HIPK2: variants seen among roughly 807,000 people sequenced by gnomAD.
HIPK2 encodes homeodomain interacting protein kinase 2.
A neutral mutation model predicts 113.7 loss-of-function variants in HIPK2; 27 were observed. The ratio of observed to expected loss-of-function variants is 0.24; its 90% CI spans 0.17 to 0.33. HIPK2 has a LOEUF of 0.33. Ranked by LOEUF, HIPK2 falls within the 10% of genes least tolerant of loss-of-function variation. The pLI is 1.00. For missense variants in HIPK2, 1,257 were observed against 1,588.0 expected (o/e 0.79, Z 3.54); for synonymous variants, 631 against 642.2 (o/e 0.98, Z 0.26).
At chr7:139,763,603 A>T (rs563156948) in intron 1 of HIPK2, among the ~76,000 whole-genome samples, 1 of 151,796 alleles carries the variant, frequency 6.6e-6, no homozygotes, top group African/African-American at 2.4e-5. Context: ...CACCACGTGG[A>T]CCTTTACAGA....
At position 139,567,030 on chromosome 7, in the gene HIPK2, G is replaced by GGGAA. The variant is rs1343042592; in HGVS notation, c.*5896_*5897insTTCC. On this transcript the variant is annotated 3_prime_UTR_variant, in exon 15 of 15. Transcript: ENST00000406875. ...CAACAAGAGAAACCTCTACTATGCT[G>GGGAA]GGTCCCTCTAGTGAGCCACGGTGCC... is the stretch of plus-strand genomic sequence containing the variant. The GGGAA allele has an allele frequency of 2.6e-5, 4 of 152,196 alleles. No individual in the cohort carries two copies. The highest frequency in any genetic ancestry group is 9.7e-5 in the African/African-American group (4 of 41,438). The allele number at this position is 152,196 out of a possible 1,614,324, so 9.4% of individuals were successfully genotyped here. A position where few individuals can be genotyped will look rare whatever the true frequency, so the allele number is the denominator to read the frequency against.
intron 11 of HIPK2, among the ~76,000 whole-genome samples, chr7:139,598,318 G>A (rs987446393): frequency 1.3e-5 from 2 of 152,156 alleles, no homozygotes; most frequent in African/African-American, 4.8e-5. Flanking sequence ...TTCAATAAAG[G>A]TGGATTTATT....
At chr7:139,664,645 C>T (rs777446912) in intron 2 of HIPK2, among the ~76,000 whole-genome samples, 6 of 152,280 alleles carry the variant, frequency 3.9e-5, no homozygotes, top group Non-Finnish European at 8.8e-5. Context: ...CAGGGGACAA[C>T]GAGGGCCACC....
At chr7:139,695,660 G>C (rs1388868481) in intron 2 of HIPK2, among the ~76,000 whole-genome samples, 1 of 152,106 alleles carries the variant, frequency 6.6e-6, no homozygotes, top group Non-Finnish European at 1.5e-5. Flanking sequence ...TCCAAGAGTA[G>C]AAAGAACACA....
At position 139,613,168 on chromosome 7, in the gene HIPK2, G is replaced by A; in HGVS notation, c.2112+34C>T. 1 of 1,611,164 alleles carries A rather than the reference G, an allele frequency of 6.2e-7. No homozygotes were observed. Among genetic ancestry groups the A allele is most frequent in the Non-Finnish European group, 8.5e-7 (1 of 1,178,250 alleles). On this transcript the variant is annotated intron_variant, in intron 9 of 14. Coordinates refer to ENST00000406875, the MANE Select transcript of HIPK2 (RefSeq NM_022740.5). The surrounding 1 kb of genome is among the most constrained non-coding windows in gnomAD (Gnocchi z 4.2). ...GTGAACAACATTAACACAGGTAATG[G>A]TAATACCAGTAATAATAAAGGAGAA... is the stretch of plus-strand genomic sequence containing the variant.
At chr7:139,720,202 C>A (rs1328018472) in intron 1 of HIPK2, among the ~76,000 whole-genome samples, 1 of 152,228 alleles carries the variant, frequency 6.6e-6, no homozygotes, top group African/African-American at 2.4e-5. Context: ...CAAAGACCAG[C>A]CAGCTTAGAT....
rs1264862644 is a variant in HIPK2 at position 139,563,539 on chromosome 7, C to CTT, written c.*9386_*9387dup. 2 of 283,734 alleles carry CTT rather than the reference C, an allele frequency of 7.0e-6. No individual in the cohort carries two copies. Among genetic ancestry groups the CTT allele is most frequent in the African/African-American group, 4.3e-5 (2 of 46,186 alleles). 17.6% of individuals were successfully genotyped at this position (283,734 alleles called of 1,614,324 possible). On this transcript the variant is annotated 3_prime_UTR_variant, in exon 15 of 15. Coordinates refer to ENST00000406875, the MANE Select transcript of HIPK2 (RefSeq NM_022740.5). ...CCCTTTTTCAGATACAACATACTTA[C>CTT]TTTTCAAATGAACAAAAGGCAATTT...
intron 2 of HIPK2, among the ~76,000 whole-genome samples, chr7:139,677,876 C>T (rs1802557417): frequency 6.6e-6 from 1 of 152,332 alleles, no homozygotes; most frequent in African/African-American, 2.4e-5. Context: ...TCCTCTCCAG[C>T]ATCTGTTGTT....
chr7:139,632,938 A>C (rs1395436585), intron 2 of HIPK2, among the ~76,000 whole-genome samples: 1 of 150,986 alleles, frequency 6.6e-6, no homozygotes, highest in Non-Finnish European at 1.5e-5. Flanking sequence ...ACAAACAAAC[A>C]AACCCAAATT....
At chr7:139,742,389 G>A (rs543421033) in intron 1 of HIPK2, among the ~76,000 whole-genome samples, 6 of 152,272 alleles carry the variant, frequency 3.9e-5, no homozygotes, top group South Asian at 2.1e-4. Context: ...CAAATAAAGC[G>A]GTTTTCTTTT....
intron 9 of HIPK2, among the ~76,000 whole-genome samples, chr7:139,604,660 G>T (rs1439798863): frequency 6.8e-6 from 1 of 146,146 alleles, no homozygotes; most frequent in African/African-American, 2.6e-5. Context: ...CTCCAGCCTG[G>T]GCGACAGAGC....
chr7:139,573,261 G>C lies in HIPK2; in HGVS notation c.3263C>G (p.Ala1088Gly). The C allele has an allele frequency of 6.2e-7, 1 of 1,604,602 alleles. No individual in the cohort carries two copies. Among genetic ancestry groups the C allele is most frequent in the Non-Finnish European group, 8.5e-7 (1 of 1,179,714 alleles). ...GAGGTGGGCAGCGGCAGCGGCTGCA[G>C]CCAGATGCGGGTGCACAGTGCCGTG... ...PSHGTVHPHL[A>G]AAAAAAHLPT... Residue 1088 changes from alanine (A) to glycine (G), a missense_variant, in exon 15 of 15, where the codon GCT (alanine) becomes GGT (glycine). Physicochemically the swap from Ala to Gly is moderately conservative, Grantham distance 60. This residue lies in a region of HIPK2 where 862 missense variants were observed against 1,004.3 expected (regional missense o/e 0.86). Transcript: ENST00000406875.
chr7:139,725,948 G>A (rs1795562060), intron 1 of HIPK2, among the ~76,000 whole-genome samples: 1 of 152,166 alleles, frequency 6.6e-6, no homozygotes, highest in South Asian at 2.1e-4. Flanking sequence ...ACAACGAGAT[G>A]AGTCCCACAC....
chr7:139,776,329 C>T (rs938267432), intron 1 of HIPK2, among the ~76,000 whole-genome samples: 5 of 152,148 alleles, frequency 3.3e-5, no homozygotes, highest in South Asian at 4.2e-4. Flanking sequence ...TTTACAGCCT[C>T]GTTATCCAGG....
chr7:139,692,900 A>C (rs1569475566), intron 2 of HIPK2, among the ~76,000 whole-genome samples: 1 of 152,236 alleles, frequency 6.6e-6, no homozygotes, highest in Non-Finnish European at 1.5e-5. Context: ...TGGGGCTAGA[A>C]GCCAGGTCGT....
chr7:139,569,920 T>C lies in HIPK2; in HGVS notation c.*3007A>G, dbSNP rs1333180745. On this transcript the variant is annotated 3_prime_UTR_variant, in exon 15 of 15. Transcript: ENST00000406875. ...ATCATAATTACAATGGTAATAAAAA[T>C]AATTAGTACAATAATATTATCTTTA... 2 of 152,174 alleles carry C rather than the reference T, an allele frequency of 1.3e-5. No homozygotes were observed. Among genetic ancestry groups the C allele is most frequent in the African/African-American group, 4.8e-5 (2 of 41,432 alleles). 9.4% of individuals were successfully genotyped at this position (152,174 alleles called of 1,614,324 possible).
chr7:139,717,185 T>A, intron 1 of HIPK2, 170 bp from the exon 2 acceptor site: 1 of 494,898 alleles, frequency 2.0e-6, no homozygotes, highest in Non-Finnish European at 2.6e-6. Context: ...CACATTCTGG[T>A]CACTGAGTTT....
At chr7:139,629,316 C>T (rs547560690) in intron 4 of HIPK2, among the ~76,000 whole-genome samples, 1 of 152,338 alleles carries the variant, frequency 6.6e-6, no homozygotes, top group East Asian at 1.9e-4. Flanking sequence ...ATGCCACATC[C>T]TCGATCAGCT....
Position 139,720,099 on chromosome 7 carries a change from C to T in HIPK2, c.20-3084G>A, listed in dbSNP as rs929734367. 7.9e-5 allele frequency among the ~76,000 whole-genome samples: 12 copies of T among 152,220 alleles called. No homozygotes were observed. In the East Asian group the frequency reaches 2.1e-3, roughly 27 times the overall value. The stretch of plus-strand genomic sequence containing the variant: ...TTAACTTGAATGAAGCTGGTCTATT[C>T]GCTGTTTCTAGAATGTCTCTTATAC... On this transcript the variant is annotated intron_variant, in intron 1 of 14. Coordinates refer to ENST00000406875, the MANE Select transcript of HIPK2 (RefSeq NM_022740.5).
Sources: gnomAD v4.1 joint callset for allele counts (sites outside exome capture counted in the v4.1 genomes callset) on GRCh38, gnomAD v4.1.1 for gene constraint, gnomAD v4.1.1 regional missense constraint, Gnocchi (gnomAD v3.1) non-coding constraint, MANE v1.5 for transcripts, NCBI Gene and HGNC (gene_info 2026-07-23, HGNC 2026-07-21) for gene names.